The following PICALM variants were observed in gnomAD, a reference collection of about 807,000 sequenced individuals.
The protein encoded by PICALM is phosphatidylinositol binding clathrin assembly protein.
Under a neutral mutation model 80.5 loss-of-function variants are expected in PICALM, and 40 were observed. That is an observed-to-expected ratio of 0.50 (90% confidence interval 0.39 to 0.65). PICALM has a LOEUF of 0.65. Among genes scored for constraint, PICALM ranks in the 30% least tolerant of loss-of-function variants. The pLI, the probability that PICALM is intolerant of heterozygous loss-of-function variation, is 0.00. For missense variants in PICALM, 676 were observed against 778.9 expected (o/e 0.87, Z 1.57); for synonymous variants, 288 against 260.3 (o/e 1.11, Z -1.02).
intron 5 of PICALM, among the ~76,000 whole-genome samples, chr11:86,013,307 G>C (rs1164295923): frequency 2.6e-5 from 4 of 152,018 alleles, no homozygotes; most frequent in African/African-American, 9.7e-5. Context: ...AGAGAAAAAT[G>C]CTGTCTCAAA....
chr11:85,976,839 G>C lies in PICALM; in HGVS notation c.1780-157C>G, dbSNP rs2094298871. The C allele has an allele frequency of 1.7e-5, 9 of 521,342 alleles. No individual in the cohort carries two copies. In the Admixed American group the frequency reaches 2.3e-4, roughly 13 times the overall value. The allele number at this position is 521,342 out of a possible 1,614,324, so 32.3% of individuals were successfully genotyped here. On this transcript the variant is annotated intron_variant, in intron 17 of 19. Coordinates refer to ENST00000393346, the MANE Select transcript of PICALM (RefSeq NM_007166.4). The stretch of plus-strand genomic sequence containing the variant: ...ATTAAGAACTGTCGATTAATGGTCA[G>C]TGAAAAAAAGTGTTTTGAAATTAGC...
rs1211253506 is a variant in PICALM, at chr11:85,957,720, A to G, written c.*1326T>C. On this transcript the variant is annotated 3_prime_UTR_variant, in exon 20 of 20. Transcript: ENST00000393346. ...CTGCATTTTATTTGAAAATCCACCC[A>G]TTTTGCTAACATACATTTTAATATT... 1.5e-5 allele frequency: 3 copies of G among 206,684 alleles called. No individual in the cohort carries two copies. The highest frequency in any genetic ancestry group is 6.8e-5 in the African/African-American group (3 of 43,864). 12.8% of individuals were successfully genotyped at this position (206,684 alleles called of 1,614,324 possible). A position where few individuals can be genotyped will look rare whatever the true frequency, so the allele number is the denominator to read the frequency against.
intron 7 of PICALM, 99 bp from the exon 8 acceptor site, chr11:86,007,682 A>G: frequency 2.5e-6 from 1 of 395,846 alleles, no homozygotes; most frequent in East Asian, 4.7e-5. Context: ...AATATTTTAA[A>G]CAGACTTCTT....
chr11:86,056,615 T>C (rs1458046812), intron 1 of PICALM, among the ~76,000 whole-genome samples: 1 of 152,164 alleles, frequency 6.6e-6, no homozygotes, highest in Non-Finnish European at 1.5e-5. Context: ...AACAGTTTGG[T>C]AGTTCCTCAA....
At chr11:85,998,651 G>A (rs780869898) in intron 11 of PICALM, among the ~76,000 whole-genome samples, 7 of 152,054 alleles carry the variant, frequency 4.6e-5, no homozygotes, top group Non-Finnish European at 7.4e-5. Flanking sequence ...TGCGGAGTGC[G>A]CCTGTAGTCC....
At chr11:86,059,755 C>G (rs879570671) in intron 1 of PICALM, among the ~76,000 whole-genome samples, 3 of 152,136 alleles carry the variant, frequency 2.0e-5, no homozygotes, top group African/African-American at 7.2e-5. Context: ...GAGCCAGACC[C>G]TGTCTTTAGT....
rs1226127468 is a variant in PICALM, at chr11:85,990,395, A to G, written c.1263T>C (p.Pro421=). ...ASQVASTWGD[P]FSATVDAVDD... ...CAACAGCATCTACAGTAGCAGAGAA[A>G]GGATCTGTGCAGTCCAAATGTATTA... Residue 421 remains proline (P), a synonymous_variant, in exon 13 of 20, where the codon CCT becomes CCC. Transcript: ENST00000393346. The G allele has an allele frequency of 6.2e-7, 1 of 1,601,816 alleles. No homozygotes were observed. The highest frequency in any genetic ancestry group is 8.5e-7 in the Non-Finnish European group (1 of 1,170,532).
intron 8 of PICALM, among the ~76,000 whole-genome samples, chr11:86,004,257 A>G (rs2095227014): frequency 6.6e-6 from 1 of 152,232 alleles, no homozygotes. Context: ...AATTAATGGT[A>G]TATTCAACAA....
Position 85,981,923 on chromosome 11 carries a change from T to A in PICALM, c.1597A>T (p.Ser533Cys), listed in dbSNP as rs570358338. 1.2e-6 allele frequency: 2 copies of A among 1,613,486 alleles called. No individual in the cohort carries two copies. The highest frequency in any genetic ancestry group is 2.7e-5 in the African/African-American group (2 of 74,940). Residue 533 changes from serine to cysteine, a missense_variant, in exon 15 of 20, where the codon AGC becomes TGC. Physicochemically the swap from Ser to Cys is moderately radical, Grantham distance 112. Around this residue, in one of 2 missense-constraint regions of PICALM, gnomAD observed 391 missense variants for 383.6 expected, o/e 1.02. Coordinates refer to ENST00000393346, the MANE Select transcript of PICALM (RefSeq NM_007166.4). ...TCCAAGTCATCAGATACTAACTTGC[T>A]AGGTGGGAGTTTGGCAACAGGAAGG... is the stretch of plus-strand genomic sequence containing the variant. ...QNLPVAKLPP[S>C]KLVSDDLDSS... is the part of the protein sequence containing the mutation.
intron 13 of PICALM, among the ~76,000 whole-genome samples, chr11:85,990,008 C>A (rs1486595417): frequency 1.9e-3 from 168 of 89,318 alleles, no homozygotes; most frequent in South Asian, 2.2e-3. Flanking sequence ...AACCAAACAC[C>A]AAAAAAAAAA....
At chr11:86,006,854 GATGATA>G (rs2095287867) in intron 8 of PICALM, among the ~76,000 whole-genome samples, 7 of 152,074 alleles carry the variant, frequency 4.6e-5, no homozygotes, top group African/African-American at 1.7e-4. Context: ...TGATGATGAT[GATGATA>G]AAGACAATAT....
chr11:86,026,807 A>T (rs1298631206), intron 2 of PICALM, among the ~76,000 whole-genome samples: 6 of 152,214 alleles, frequency 3.9e-5, no homozygotes, highest in Non-Finnish European at 7.3e-5. Context: ...ACAAATTCAC[A>T]TGTTCACTTC....
At chr11:86,005,403 G>A (rs1397949095) in intron 8 of PICALM, among the ~76,000 whole-genome samples, 4 of 152,076 alleles carry the variant, frequency 2.6e-5, no homozygotes, top group Non-Finnish European at 5.9e-5. Flanking sequence ...AAATCCACAC[G>A]ACAAAGAGTG....
intron 1 of PICALM, among the ~76,000 whole-genome samples, chr11:86,057,780 G>C (rs554279816): frequency 2.0e-5 from 3 of 152,174 alleles, no homozygotes; most frequent in Non-Finnish European, 2.9e-5. Flanking sequence ...ATTGTATTAG[G>C]CATTTTAAGT....
intron 8 of PICALM, among the ~76,000 whole-genome samples, chr11:86,006,916 T>C (rs1183887376): frequency 6.6e-6 from 1 of 152,232 alleles, no homozygotes; most frequent in African/African-American, 2.4e-5. Context: ...TCTAATTTTT[T>C]TTTTTGGCAT....
At chr11:86,061,894 G>A (rs750637718) in intron 1 of PICALM, among the ~76,000 whole-genome samples, 14 of 151,986 alleles carry the variant, frequency 9.2e-5, no homozygotes, top group African/African-American at 1.7e-4. Flanking sequence ...AAATAAACCC[G>A]GGTATATCCA....
chr11:85,995,254 A>G (rs2094922362), intron 12 of PICALM, among the ~76,000 whole-genome samples: 1 of 152,186 alleles, frequency 6.6e-6, no homozygotes, highest in African/African-American at 2.4e-5. Context: ...TATAGGACTT[A>G]ATATGGGGGA....
chr11:86,013,730 T>C (rs1003775738), intron 5 of PICALM, among the ~76,000 whole-genome samples: 1 of 152,200 alleles, frequency 6.6e-6, no homozygotes, highest in Non-Finnish European at 1.5e-5. Flanking sequence ...CAAAATAATG[T>C]TGAATAACTG....
chr11:86,020,129 T>C (rs2095540421), intron 4 of PICALM, among the ~76,000 whole-genome samples: 2 of 152,196 alleles, frequency 1.3e-5, no homozygotes, highest in South Asian at 4.1e-4. Flanking sequence ...ACTAAGATGA[T>C]TGTTATTTAG....
Sources: allele counts gnomAD v4.1 joint callset (sites outside exome capture counted in the v4.1 genomes callset), GRCh38; gene constraint gnomAD v4.1.1; regional missense constraint gnomAD v4.1.1; transcripts MANE v1.5; gene names NCBI Gene and HGNC (gene_info 2026-07-23, HGNC 2026-07-21).